The following PIK3CD variants were observed in gnomAD, a reference collection of about 807,000 sequenced individuals.
PIK3CD encodes the protein phosphatidylinositol-4,5-bisphosphate 3-kinase catalytic subunit delta, also known as phosphatidylinositol 4,5-bisphosphate 3-kinase catalytic subunit delta isoform.
Under a neutral mutation model 122.9 loss-of-function variants are expected in PIK3CD, and 20 were observed. The ratio of observed to expected loss-of-function variants is 0.16; its 90% confidence interval spans 0.11 to 0.24. The LOEUF is 0.24. PIK3CD is among the 10% of genes least tolerant of loss of function. The pLI, the probability that PIK3CD is intolerant of heterozygous loss-of-function variation, is 1.00. For synonymous variants in PIK3CD, 596 were observed against 593.4 expected, an observed-to-expected ratio of 1.00 and a Z score of -0.06; for missense variants, 787 against 1,406.3, an observed-to-expected ratio of 0.56 and a Z score of 7.04.
chr1:9,640,080 C>A, the PIK3CD span, among the ~76,000 whole-genome samples: 1 of 151,854 alleles, frequency 6.6e-6, no homozygotes, highest in Non-Finnish European at 1.5e-5. Context: ...GTTGTTCTAG[C>A]TTTGGCCACT....
At chr1:9,648,545 C>T (rs1346595222), upstream of PIK3CD, among the ~76,000 whole-genome samples, 1 of 152,224 alleles carries the variant, frequency 6.6e-6, no homozygotes, top group African/African-American at 2.4e-5. Flanking sequence ...CTCACTCGGC[C>T]GTCAGAGTTC....
the PIK3CD span, among the ~76,000 whole-genome samples, chr1:9,631,883 T>C: frequency 6.6e-6 from 1 of 152,208 alleles, no homozygotes. Flanking sequence ...AATGAGGTGA[T>C]CCAAGCCATC....
chr1:9,640,128 A>G, the PIK3CD span, among the ~76,000 whole-genome samples: 12 of 151,714 alleles, frequency 7.9e-5, no homozygotes, highest in Admixed American at 5.9e-4. Flanking sequence ...CCCCCGAGAT[A>G]TGCACCCATC....
chr1:9,721,195 C>T lies in PIK3CD; in HGVS notation c.1758C>T (p.Ser586=), dbSNP rs773503759. 3 of 1,613,452 alleles carry T rather than the reference C, an allele frequency of 1.9e-6. No homozygotes were observed. Among genetic ancestry groups the T allele is most frequent in the Non-Finnish European group, 2.5e-6 (3 of 1,179,974 alleles). ...GCGCCCTGGAGCTGCTAGACTTCAG[C>T]TTCCCCGATTGCCACGTAGGCTCCT... is the stretch of plus-strand genomic sequence containing the variant. The part of the protein sequence containing the change: ...VLSALELLDF[S]FPDCHVGSFA... The change falls in exon 14 of 24, where the codon AGC becomes AGT. Residue 586 remains serine (S), a synonymous_variant. Coordinates refer to ENST00000377346, the MANE Select transcript of PIK3CD (RefSeq NM_005026.5).
rs34447888 is a variant in PIK3CD at position 9,675,385 on chromosome 1, CAAAAAAAAAAAAA to C, written c.-137-16071_-137-16059del. On this transcript the variant is annotated intron_variant, in intron 1 of 23. Transcript: ENST00000377346. ...TGGGCCACAGAGCGAGACTCCGTCT[CAAAAAAAAAAAAA>C]AAAAAAAAAAGACAACCCTGTTTGG... is the stretch of plus-strand genomic sequence containing the variant. 5.0e-5 allele frequency among the ~76,000 whole-genome samples: 3 copies of C among 59,492 alleles called. No individual in the cohort carries two copies. The South Asian group carries it at 1.7e-3, about 33-fold the overall frequency. 39.0% of individuals were successfully genotyped at this position (59,492 alleles called of 152,430 possible).
At chr1:9,695,248 T>G (rs1646358905) in intron 2 of PIK3CD, among the ~76,000 whole-genome samples, 1 of 151,690 alleles carries the variant, frequency 6.6e-6, no homozygotes, top group South Asian at 2.1e-4. Flanking sequence ...TATAGAAAAA[T>G]TTGACTTCAG....
At chr1:9,669,447 C>T (rs554741195) in intron 1 of PIK3CD, among the ~76,000 whole-genome samples, 26 of 152,186 alleles carry the variant, frequency 1.7e-4, no homozygotes, top group Middle Eastern at 3.4e-3. Flanking sequence ...GTGCCCAAGA[C>T]GATTGGGTTA....
In PIK3CD at chr1:9,717,102, G is replaced by T. The variant is rs200639471; in HGVS notation, c.924G>T (p.Ala308=). The T allele has an allele frequency of 3.1e-6, 5 of 1,613,912 alleles. No homozygotes were observed. The Admixed American group carries it at 8.3e-5, about 27-fold the overall frequency. The change falls in exon 7 of 24, where the codon GCG becomes GCT. Residue 308 remains alanine (A), a synonymous_variant. Coordinates refer to ENST00000377346, the MANE Select transcript of PIK3CD (RefSeq NM_005026.5). This position sits in a 1 kb window ranked among gnomAD's most constrained non-coding sequence, Gnocchi z 5.4. ...GTGCCAAACCACCTCCCATTCCTGC[G>T]AAGAAGGTGAGATGGCGCCTTCCGC... is the stretch of plus-strand genomic sequence containing the variant. The part of the protein sequence containing the change: ...KPRAKPPPIP[A]KKPSSVSLWS...
chr1:9,708,721 C>T (rs1196184086), intron 2 of PIK3CD, among the ~76,000 whole-genome samples: 3 of 151,938 alleles, frequency 2.0e-5, no homozygotes, highest in Non-Finnish European at 2.9e-5. Flanking sequence ...TGGTGGCAGG[C>T]GCCTGTAATC....
the PIK3CD span, among the ~76,000 whole-genome samples, chr1:9,639,123 G>T: frequency 7.1e-3 from 1,082 of 152,158 alleles, 24 homozygotes; most frequent in Admixed American, 0.045. Flanking sequence ...CACTACATGT[G>T]GGAAATGGTT....
intron 1 of PIK3CD, among the ~76,000 whole-genome samples, chr1:9,678,657 G>A (rs185170370): frequency 7.2e-5 from 11 of 152,244 alleles, no homozygotes; most frequent in African/African-American, 2.4e-4. Context: ...CTTCTCTGTC[G>A]TATGAGATTC....
At chr1:9,692,020 G>C (rs1291837430) in intron 2 of PIK3CD, 2 of 153,008 alleles carry the variant, frequency 1.3e-5, no homozygotes, top group Non-Finnish European at 2.9e-5. Context: ...TCTTCAGAGA[G>C]CTGGCAGTCA....
chr1:9,686,334 C>T (rs1381151405), intron 1 of PIK3CD, among the ~76,000 whole-genome samples: 1 of 151,670 alleles, frequency 6.6e-6, no homozygotes, highest in Non-Finnish European at 1.5e-5. Context: ...GCTAGGACTA[C>T]AGGCAAATGC....
At chr1:9,651,957 G>C (rs975933850) in intron 1 of PIK3CD, among the ~76,000 whole-genome samples, 155 bp downstream of exon 1, 10 of 151,868 alleles carry the variant, frequency 6.6e-5, no homozygotes, top group African/African-American at 2.2e-4. Flanking sequence ...GCGCCTCCCC[G>C]AGTCTAGCGA....
intron 2 of PIK3CD, among the ~76,000 whole-genome samples, chr1:9,692,456 G>A (rs970544826): frequency 6.6e-6 from 1 of 152,152 alleles, no homozygotes; most frequent in East Asian, 1.9e-4. Flanking sequence ...GCCGGGTGCC[G>A]TGGCTCATGC....
intron 2 of PIK3CD, among the ~76,000 whole-genome samples, chr1:9,692,267 C>T (rs1176114399): frequency 2.0e-5 from 3 of 152,114 alleles, no homozygotes; most frequent in Admixed American, 6.6e-5. Flanking sequence ...TCTGTGTGTA[C>T]CCAGAATTCC....
upstream of PIK3CD, among the ~76,000 whole-genome samples, chr1:9,650,219 C>G (rs1033028714): frequency 6.6e-6 from 1 of 151,986 alleles, no homozygotes; most frequent in Non-Finnish European, 1.5e-5. Flanking sequence ...GTCAGGAGTT[C>G]AAGACCAGCC....
chr1:9,653,544 G>A (rs1644744141), intron 1 of PIK3CD: 1 of 314,132 alleles, frequency 3.2e-6, no homozygotes, highest in African/African-American at 2.2e-5. Flanking sequence ...GGGATTTGGA[G>A]GGGACGACTG....
At chr1:9,660,183 A>T (rs1446254970) in intron 1 of PIK3CD, among the ~76,000 whole-genome samples, 1 of 152,224 alleles carries the variant, frequency 6.6e-6, no homozygotes, top group Non-Finnish European at 1.5e-5. Context: ...AAGTGCTGGG[A>T]TTATAGGCGT....
Sources: allele counts gnomAD v4.1 joint callset (sites outside exome capture counted in the v4.1 genomes callset), GRCh38; gene constraint gnomAD v4.1.1; non-coding constraint Gnocchi (gnomAD v3.1); transcripts MANE v1.5; gene names NCBI Gene and HGNC (gene_info 2026-07-23, HGNC 2026-07-21).